The following TTLL11 variants were observed in gnomAD, a reference collection of about 807,000 sequenced individuals.
TTLL11 encodes the protein tubulin tyrosine ligase like 11, also known as tubulin polyglutamylase TTLL11.
A neutral mutation model predicts 51.7 loss-of-function variants in TTLL11; 42 were observed. The observed-to-expected ratio is 0.81, with a 90% CI of 0.64 to 1.05. TTLL11 has a LOEUF of 1.05. Ranked by LOEUF, TTLL11 falls within the 50% of genes least tolerant of loss-of-function variation. TTLL11 has a pLI of 0.00. For synonymous variants in TTLL11, 381 were observed against 383.5 expected (o/e 0.99, Z 0.08); for missense variants, 799 against 940.4 (o/e 0.85, Z 1.97).
chr9:121,874,929 T>G (rs1564283531), intron 6 of TTLL11, among the ~76,000 whole-genome samples: 1 of 152,010 alleles, frequency 6.6e-6, no homozygotes, highest in Non-Finnish European at 1.5e-5. Flanking sequence ...GCTAATTTTT[T>G]TTTTCTTTTT....
chr9:121,954,362 A>G (rs918544509), intron 6 of TTLL11, among the ~76,000 whole-genome samples: 20 of 152,100 alleles, frequency 1.3e-4, no homozygotes, highest in African/African-American at 4.6e-4. Flanking sequence ...GACAAGCCCC[A>G]CTCTGTCCCC....
chr9:122,053,914 G>C (rs577687659), intron 1 of TTLL11, among the ~76,000 whole-genome samples: 1 of 152,114 alleles, frequency 6.6e-6, no homozygotes, highest in African/African-American at 2.4e-5. Context: ...GCGCCGTCTG[G>C]CTCCAGTGGG....
chr9:122,039,109 C>G (rs1029377565), intron 2 of TTLL11, among the ~76,000 whole-genome samples, 163 bp downstream of exon 2: 4 of 152,214 alleles, frequency 2.6e-5, no homozygotes, highest in African/African-American at 9.7e-5. Context: ...CCTTTAAAAG[C>G]CTGTCTCCAA....
At chr9:121,851,371 C>T (rs544526161) in intron 8 of TTLL11, among the ~76,000 whole-genome samples, 1 of 152,280 alleles carries the variant, frequency 6.6e-6, no homozygotes, top group Admixed American at 6.5e-5. Flanking sequence ...ATTATAACAG[C>T]ACAATCATGC....
rs138815191 is a variant in TTLL11, at chr9:121,881,308, T to C, written c.1482-10560A>G. 7.2e-4 allele frequency among the ~76,000 whole-genome samples: 109 copies of C among 152,350 alleles called. 1 individual carries two copies. In the East Asian group the frequency reaches 0.021, roughly 29 times the overall value. ...ACAATAAGTTGGGGGAAGCCATGTG[T>C]AAAAGTTATTCTTTGCCTAGACTGT... On this transcript the variant is annotated intron_variant, in intron 6 of 8. Transcript: ENST00000321582.
rs200788919 is a variant in TTLL11 at position 122,043,163 on chromosome 9, G to C, written c.463-3795C>G. Among the ~76,000 whole-genome samples the C allele has an allele frequency of 3.3e-5, 5 of 152,244 alleles. No homozygotes were observed. In the East Asian group the frequency reaches 9.6e-4, roughly 29 times the overall value. ...ACTCTGATTCAGGATTTTGATGGTG[G>C]GGGAGGCTATCAATGCAGGTGGGGG... On this transcript the variant is annotated intron_variant, in intron 1 of 8. Transcript: ENST00000321582.
intron 2 of TTLL11, among the ~76,000 whole-genome samples, chr9:122,034,401 A>G (rs574713639): frequency 6.8e-4 from 104 of 152,328 alleles, no homozygotes; most frequent in Non-Finnish European, 1.3e-3. Context: ...TCATGTCTCC[A>G]GGCAGTTTTT....
At chr9:122,058,005 CG>C (rs1195605374) in intron 1 of TTLL11, among the ~76,000 whole-genome samples, 1 of 152,200 alleles carries the variant, frequency 6.6e-6, no homozygotes, top group African/African-American at 2.4e-5. Flanking sequence ...AATTCACCCA[CG>C]TTCTAGCAGG....
intron 1 of TTLL11, among the ~76,000 whole-genome samples, chr9:122,046,953 C>T (rs1845023214): frequency 6.6e-6 from 1 of 152,162 alleles, no homozygotes; most frequent in Non-Finnish European, 1.5e-5. Context: ...CAGGAGCCAA[C>T]AACACAATGG....
At position 121,989,153 on chromosome 9, in the gene TTLL11, G is replaced by C. The variant is rs115973640; in HGVS notation, c.1269+42C>G. 1 of 1,602,924 alleles carries C rather than the reference G, an allele frequency of 6.2e-7. No homozygotes were observed. Among genetic ancestry groups the C allele is most frequent in the East Asian group, 2.2e-5 (1 of 44,758 alleles). On this transcript the variant is annotated intron_variant, in intron 4 of 8. Transcript: ENST00000321582. This position sits in a 1 kb window ranked among gnomAD's most constrained non-coding sequence, Gnocchi z 4.2. ...GAAGCCAGAGAGCCCTCTTGAGGCC[G>C]GTCAAGGCTGGAAACGCAGGCTGGG...
intron 1 of TTLL11, 137 bp downstream of exon 1, chr9:122,092,549 CT>C: frequency 1.4e-6 from 2 of 1,440,920 alleles, no homozygotes; most frequent in South Asian, 2.9e-5. Context: ...CACTTTGCGG[CT>C]GACAAGCAGG....
chr9:121,885,620 G>A lies in TTLL11; in HGVS notation c.1482-14872C>T, dbSNP rs147548795. On this transcript the variant is annotated intron_variant, in intron 6 of 8. Coordinates refer to ENST00000321582, the MANE Select transcript of TTLL11 (RefSeq NM_001139442.2). Reference sequence around the variant, plus strand: ...GGCATAATTTGCCCAAGGTCATCCAGCTTAGAAGTGGCAAAGCCGGCTTAT... The same window carrying A: ...GGCATAATTTGCCCAAGGTCATCCAACTTAGAAGTGGCAAAGCCGGCTTAT... 7.6e-3 allele frequency: 1,165 copies of A among 152,338 alleles called. 10 individuals carry two copies. The highest frequency in any genetic ancestry group is 0.029 in the Admixed American group (450 of 15,300). 9.4% of individuals were successfully genotyped at this position (152,338 alleles called of 1,614,324 possible). A position where few individuals can be genotyped will look rare whatever the true frequency, so the allele number is the denominator to read the frequency against.
At chr9:121,979,661 C>G (rs1842787198) in intron 4 of TTLL11, among the ~76,000 whole-genome samples, 1 of 152,128 alleles carries the variant, frequency 6.6e-6, no homozygotes, top group Non-Finnish European at 1.5e-5. Context: ...TTTTCCTCTG[C>G]TCTCAAACTT....
intron 6 of TTLL11, among the ~76,000 whole-genome samples, chr9:121,872,951 T>A (rs1313086591): frequency 2.0e-5 from 3 of 152,194 alleles, no homozygotes; most frequent in Admixed American, 1.3e-4. Context: ...ATCAGGTGGT[T>A]GCTTTTCAGT....
At chr9:121,974,225 G>A in intron 5 of TTLL11, 101 bp from the exon 6 acceptor site, 1 of 717,500 alleles carries the variant, frequency 1.4e-6, no homozygotes, top group Non-Finnish European at 2.2e-6. Context: ...TTTTGCTTAT[G>A]CTAATCTATA....
chr9:122,026,837 T>C (rs919833860), intron 3 of TTLL11, among the ~76,000 whole-genome samples: 7 of 151,486 alleles, frequency 4.6e-5, no homozygotes, highest in African/African-American at 1.7e-4. Flanking sequence ...ACTTTCATGG[T>C]GTTCTTGCCA....
intron 3 of TTLL11, among the ~76,000 whole-genome samples, chr9:122,009,297 AATAC>A (rs1660461976): frequency 2.6e-5 from 4 of 152,188 alleles, no homozygotes; most frequent in African/African-American, 9.6e-5. Flanking sequence ...GTACATGATA[AATAC>A]ATACATTTTT....
chr9:121,854,609 A>C (rs1481703235), intron 8 of TTLL11, among the ~76,000 whole-genome samples: 1 of 152,182 alleles, frequency 6.6e-6, no homozygotes, highest in Non-Finnish European at 1.5e-5. Context: ...TGCGAGTAAA[A>C]TGTTTGTCTC....
At position 122,075,732 on chromosome 9, in the gene TTLL11, C is replaced by T. The variant is rs553882587; in HGVS notation, c.462+16955G>A. On this transcript the variant is annotated intron_variant, in intron 1 of 8. Transcript: ENST00000321582. ...GTAATCTCAAGCAGAGTCTGAGACTCCTTAAGTAAGGAACAAGTGCACAGG... is the reference window on the plus strand; with the variant it reads ...GTAATCTCAAGCAGAGTCTGAGACTTCTTAAGTAAGGAACAAGTGCACAGG... Among the ~76,000 whole-genome samples the T allele has an allele frequency of 5.9e-5, 9 of 152,278 alleles. No homozygotes were observed. In the South Asian group the frequency reaches 1.9e-3, roughly 32 times the overall value.
Sources: gnomAD v4.1 joint callset for allele counts (sites outside exome capture counted in the v4.1 genomes callset) on GRCh38, gnomAD v4.1.1 for gene constraint, Gnocchi (gnomAD v3.1) non-coding constraint, MANE v1.5 for transcripts, NCBI Gene and HGNC (gene_info 2026-07-23, HGNC 2026-07-21) for gene names.